PCDH9: variants seen among roughly 807,000 people sequenced by gnomAD.
PCDH9 encodes the protein protocadherin-9.
In PCDH9, 24 loss-of-function variants were observed where a neutral mutation model predicts 70.6. The ratio of observed to expected loss-of-function variants is 0.34; its 90% CI spans 0.25 to 0.48. The LOEUF (loss-of-function observed/expected upper bound fraction) is 0.48, where lower values mean the gene tolerates loss of function less well. PCDH9 is among the 20% of genes least tolerant of loss of function. The pLI is 0.99. For missense variants in PCDH9, 1,281 were observed against 1,503.6 expected, an observed-to-expected ratio of 0.85 and a Z score of 2.45; for synonymous variants, 562 against 558.5, an observed-to-expected ratio of 1.01 and a Z score of -0.09.
At chr13:66,805,740 C>T (rs1232598323) in intron 3 of PCDH9, among the ~76,000 whole-genome samples, 2 of 152,138 alleles carry the variant, frequency 1.3e-5, no homozygotes, top group Non-Finnish European at 2.9e-5. Context: ...CAAGATGATA[C>T]TATTTCTTTC....
intron 2 of PCDH9, among the ~76,000 whole-genome samples, chr13:66,994,035 G>A: frequency 6.6e-6 from 1 of 152,148 alleles, no homozygotes; most frequent in East Asian, 1.9e-4. Flanking sequence ...AAAGGACACT[G>A]ATGTAGCCTA....
chr13:66,907,683 G>A (rs1393381315), intron 2 of PCDH9, among the ~76,000 whole-genome samples: 2 of 152,116 alleles, frequency 1.3e-5, no homozygotes, highest in Non-Finnish European at 2.9e-5. Flanking sequence ...AACAACAAAA[G>A]TTTTATGGAA....
Position 66,321,821 on chromosome 13 carries a change from C to G in PCDH9, c.3341-16793G>C, listed in dbSNP as rs576272918. Among the ~76,000 whole-genome samples the G allele has an allele frequency of 3.3e-5, 5 of 152,000 alleles. No homozygotes were observed. The East Asian group carries it at 9.7e-4, about 29-fold the overall frequency. On this transcript the variant is annotated intron_variant, in intron 4 of 4. Coordinates refer to ENST00000377865, the MANE Select transcript of PCDH9 (RefSeq NM_203487.3). Reference sequence around the variant, plus strand: ...CTTTCAAGGTTGCTTGAAGTTTCTTCTTTGGATCTCACTGTGGAGTAGATG... The same window carrying G: ...CTTTCAAGGTTGCTTGAAGTTTCTTGTTTGGATCTCACTGTGGAGTAGATG...
intron 3 of PCDH9, among the ~76,000 whole-genome samples, chr13:66,658,771 A>G (rs767295978): frequency 3.9e-5 from 6 of 152,134 alleles, no homozygotes; most frequent in Non-Finnish European, 7.4e-5. Context: ...GCAATCTATG[A>G]CTTTTCCTAT....
chr13:66,661,248 C>T (rs2078004642), intron 3 of PCDH9, among the ~76,000 whole-genome samples: 2 of 152,110 alleles, frequency 1.3e-5, no homozygotes, highest in South Asian at 4.1e-4. Flanking sequence ...CTTGTTGGAA[C>T]TGAAGAATTG....
chr13:66,870,303 C>T (rs2081652921), intron 3 of PCDH9, among the ~76,000 whole-genome samples: 1 of 152,046 alleles, frequency 6.6e-6, no homozygotes, highest in Non-Finnish European at 1.5e-5. Flanking sequence ...GGTACCAGTA[C>T]CATGCTGTTT....
intron 4 of PCDH9, among the ~76,000 whole-genome samples, chr13:66,316,864 A>C (rs988358838): frequency 6.6e-6 from 1 of 152,098 alleles, no homozygotes; most frequent in Non-Finnish European, 1.5e-5. Flanking sequence ...CTGGGATCAC[A>C]GGCACGCACA....
At chr13:67,142,730 G>A (rs2087425194) in intron 2 of PCDH9, among the ~76,000 whole-genome samples, 1 of 152,108 alleles carries the variant, frequency 6.6e-6, no homozygotes, top group Admixed American at 6.6e-5. Flanking sequence ...GCCAGGCCCG[G>A]TGGCTCATGC....
intron 2 of PCDH9, among the ~76,000 whole-genome samples, chr13:67,138,193 A>C (rs1256697904): frequency 6.6e-6 from 1 of 152,116 alleles, no homozygotes; most frequent in African/African-American, 2.4e-5. Flanking sequence ...ATTGATCCTC[A>C]ATGTCCTCCT....
At position 66,631,410 on chromosome 13, in the gene PCDH9, G is replaced by A. The variant is rs763000199; in HGVS notation, c.3140C>T (p.Ser1047Leu). The A allele has an allele frequency of 1.5e-5, 24 of 1,590,074 alleles. No individual in the cohort carries two copies. The highest frequency in any genetic ancestry group is 1.7e-4 in the Middle Eastern group (1 of 6,032). ...IQENEESHYE[S>L]QRRVTFHLPD... is the part of the protein sequence containing the mutation. The stretch of plus-strand genomic sequence containing the variant: ...GAGATGAAACGTAACACGGCGCTGC[G>A]ACTACAAAGAAGACCACAGGACATG... Residue 1047 changes from serine (S) to leucine (L), a missense_variant and splice_region_variant, in exon 4 of 5, where the codon TCG becomes TTG. Ser to Leu is a moderately radical substitution (Grantham distance 145). Transcript: ENST00000377865.
chr13:67,095,060 GT>G (rs923360525), intron 2 of PCDH9, among the ~76,000 whole-genome samples: 22 of 151,204 alleles, frequency 1.5e-4, no homozygotes, highest in African/African-American at 5.1e-4. Context: ...AAGCATGAGA[GT>G]TTTTTTTTCA....
chr13:66,583,485 G>A (rs1023995652), intron 4 of PCDH9, among the ~76,000 whole-genome samples: 55 of 151,882 alleles, frequency 3.6e-4, no homozygotes, highest in African/African-American at 1.3e-3. Context: ...GGGGGGACGC[G>A]CCTATAGTCC....
intron 4 of PCDH9, among the ~76,000 whole-genome samples, chr13:66,601,329 T>C (rs1204425198): frequency 6.8e-6 from 1 of 146,250 alleles, no homozygotes; most frequent in East Asian, 1.9e-4. Context: ...TTTGCTCTAT[T>C]ATTTAAAATA....
chr13:67,169,480 T>G (rs1036403018), intron 2 of PCDH9, among the ~76,000 whole-genome samples: 1 of 152,222 alleles, frequency 6.6e-6, no homozygotes, highest in Admixed American at 6.5e-5. Flanking sequence ...CATTTCTGAT[T>G]ACATGTCTTT....
At chr13:66,922,011 A>C (rs2082644288) in intron 2 of PCDH9, among the ~76,000 whole-genome samples, 2 of 151,404 alleles carry the variant, frequency 1.3e-5, no homozygotes, top group South Asian at 4.1e-4. Flanking sequence ...TTTGTCAACT[A>C]TTCCCTGAGA....
chr13:67,165,662 C>T (rs577019846), intron 2 of PCDH9, among the ~76,000 whole-genome samples: 1 of 152,040 alleles, frequency 6.6e-6, no homozygotes, highest in Non-Finnish European at 1.5e-5. Context: ...ATTTATATTG[C>T]TAACAGTTCT....
intron 4 of PCDH9, among the ~76,000 whole-genome samples, chr13:66,484,350 C>T (rs1958900901): frequency 6.6e-6 from 1 of 152,086 alleles, no homozygotes; most frequent in Non-Finnish European, 1.5e-5. Flanking sequence ...GTCGTAGCCC[C>T]ACGGCCTGCC....
chr13:66,581,252 TTTTAAAAC>T (rs1475459256), intron 4 of PCDH9, among the ~76,000 whole-genome samples: 1 of 152,106 alleles, frequency 6.6e-6, no homozygotes, highest in Non-Finnish European at 1.5e-5. Flanking sequence ...CAAATCAAAG[TTTTAAAAC>T]TTTAAAACTT....
intron 2 of PCDH9, among the ~76,000 whole-genome samples, chr13:67,178,160 G>T (rs1183615868): frequency 6.6e-6 from 1 of 151,902 alleles, no homozygotes; most frequent in Admixed American, 6.6e-5. Flanking sequence ...AATTCTTACT[G>T]CTCCCATCTC....
Sources: gnomAD v4.1 joint callset for allele counts (sites outside exome capture counted in the v4.1 genomes callset) on GRCh38, gnomAD v4.1.1 for gene constraint, MANE v1.5 for transcripts, NCBI Gene and HGNC (gene_info 2026-07-23, HGNC 2026-07-21) for gene names.